SLC4A4: variants seen among roughly 807,000 people sequenced by gnomAD.
SLC4A4 encodes the protein electrogenic sodium bicarbonate cotransporter 1.
Under a neutral mutation model 111.5 loss-of-function variants are expected in SLC4A4, and 27 were observed. The observed-to-expected ratio is 0.24, with a 90% confidence interval of 0.18 to 0.33. The LOEUF is 0.33. Ranked by LOEUF, SLC4A4 falls within the 10% of genes least tolerant of loss-of-function variation. The pLI is 1.00. For synonymous variants in SLC4A4, 443 were observed against 463.4 expected (o/e 0.96, Z 0.57); for missense variants, 909 against 1,315.5 (o/e 0.69, Z 4.78).
intron 3 of SLC4A4, among the ~76,000 whole-genome samples, chr4:71,291,807 T>C (rs914103307): frequency 1.3e-5 from 2 of 152,220 alleles, no homozygotes; most frequent in African/African-American, 4.8e-5. Context: ...AGTGAAAATG[T>C]ACTTTACAAT....
At chr4:71,074,327 T>G (rs145893701) in intron 1 of SLC4A4, among the ~76,000 whole-genome samples, 1 of 152,356 alleles carries the variant, frequency 6.6e-6, no homozygotes, top group East Asian at 1.9e-4. Flanking sequence ...TATAGCTCCC[T>G]GACTGGCATC....
intron 8 of SLC4A4, among the ~76,000 whole-genome samples, chr4:71,447,295 C>G (rs551952634): frequency 6.6e-6 from 1 of 152,170 alleles, no homozygotes; most frequent in Admixed American, 6.5e-5. Context: ...GATGGGTTTG[C>G]TCCAAAGATT....
chr4:71,155,696 T>G (rs59194778), intron 2 of SLC4A4, among the ~76,000 whole-genome samples: 9,908 of 152,214 alleles, frequency 0.065, 316 homozygotes, highest in East Asian at 0.092. Flanking sequence ...ACTCCCATGT[T>G]CAAGTGATCC....
intron 1 of SLC4A4, among the ~76,000 whole-genome samples, chr4:71,199,672 C>T (rs184419304): frequency 1.5e-3 from 225 of 152,082 alleles, no homozygotes; most frequent in African/African-American, 5.1e-3. Flanking sequence ...TTTTTTGAGA[C>T]GGAGTCTTGC....
At chr4:71,547,164 C>T (rs1025477829) in intron 19 of SLC4A4, among the ~76,000 whole-genome samples, 1 of 151,736 alleles carries the variant, frequency 6.6e-6, no homozygotes, top group Non-Finnish European at 1.5e-5. Context: ...TTGAAAAGTA[C>T]TTTTGTTGTT....
chr4:71,119,584 T>A (rs1010550637), intron 2 of SLC4A4, among the ~76,000 whole-genome samples: 1 of 152,174 alleles, frequency 6.6e-6, no homozygotes, highest in Admixed American at 6.5e-5. Context: ...ACATAGGATC[T>A]TGCTATGTTA....
chr4:71,137,197 G>A (rs1158855378), intron 2 of SLC4A4, among the ~76,000 whole-genome samples: 1 of 152,106 alleles, frequency 6.6e-6, no homozygotes. Context: ...TCTGCCCGCT[G>A]ACTCCACTCT....
At position 71,137,940 on chromosome 4, in the gene SLC4A4, C is replaced by T. The variant is rs138212557; in HGVS notation, c.-2+45148C>T. 2.5e-3 allele frequency among the ~76,000 whole-genome samples: 383 copies of T among 152,322 alleles called. 1 individual carries two copies. The highest frequency in any genetic ancestry group is 7.9e-3 in the African/African-American group (327 of 41,560). On this transcript the variant is annotated intron_variant, in intron 2 of 26. Transcript: ENST00000649996. Reference sequence around the variant, plus strand: ...GTTGATAAGAGAGGTTTCTAACACACAGAGAAAATGCACTGGGGGCTTCTC... The same window carrying T: ...GTTGATAAGAGAGGTTTCTAACACATAGAGAAAATGCACTGGGGGCTTCTC...
At chr4:71,240,319 A>C (rs1005988044) in intron 2 of SLC4A4, among the ~76,000 whole-genome samples, 2 of 152,312 alleles carry the variant, frequency 1.3e-5, no homozygotes, top group East Asian at 3.9e-4. Flanking sequence ...TTGGCTCTGC[A>C]AGGCTAGGTA....
chr4:71,452,655 T>TGA (rs1383069900), intron 11 of SLC4A4, among the ~76,000 whole-genome samples: 1 of 152,182 alleles, frequency 6.6e-6, no homozygotes, highest in African/African-American at 2.4e-5. Context: ...TGGGGAAGAC[T>TGA]GAGGTTTGAG....
chr4:71,085,635 T>A (rs1397596314), intron 1 of SLC4A4, among the ~76,000 whole-genome samples: 3 of 152,086 alleles, frequency 2.0e-5, no homozygotes, highest in Admixed American at 6.5e-5. Flanking sequence ...GCTAGCCAGT[T>A]TTTCCAGCAC....
intron 20 of SLC4A4, among the ~76,000 whole-genome samples, chr4:71,548,670 A>G (rs1241964818): frequency 6.6e-6 from 1 of 151,942 alleles, no homozygotes; most frequent in Admixed American, 6.6e-5. Context: ...TTTTATTTTT[A>G]AACATTTTAA....
intron 1 of SLC4A4, among the ~76,000 whole-genome samples, chr4:71,192,138 A>G (rs934849117): frequency 6.6e-6 from 1 of 152,186 alleles, no homozygotes. Flanking sequence ...TCACTGATTA[A>G]TATTCTTCTT....
intron 3 of SLC4A4, among the ~76,000 whole-genome samples, chr4:71,311,890 TGA>T (rs761331086): frequency 0.075 from 5,778 of 76,538 alleles, 151 homozygotes; most frequent in South Asian, 0.11. Context: ...TGCAAGGCTG[TGA>T]GAGAGAGAGA....
At chr4:71,544,224 G>T (rs1180791956) in intron 18 of SLC4A4, among the ~76,000 whole-genome samples, 1 of 152,036 alleles carries the variant, frequency 6.6e-6, no homozygotes, top group African/African-American at 2.4e-5. Flanking sequence ...CTAGGTTGAG[G>T]AAGGAAAACC....
intron 18 of SLC4A4, among the ~76,000 whole-genome samples, chr4:71,543,927 A>G (rs1210938193): frequency 6.6e-6 from 1 of 152,038 alleles, no homozygotes; most frequent in Non-Finnish European, 1.5e-5. Context: ...ACAAGAGTTT[A>G]TAATTGCCAG....
At chr4:71,434,497 G>C (rs1170607707) in intron 7 of SLC4A4, 1 of 175,630 alleles carries the variant, frequency 5.7e-6, no homozygotes, top group African/African-American at 2.4e-5. Context: ...ATCTTTATAA[G>C]ATCTGTAGTA....
At chr4:71,546,799 G>A (rs3775161) in intron 19 of SLC4A4, among the ~76,000 whole-genome samples, 36,124 of 151,784 alleles carry the variant, frequency 0.24, 4,395 homozygotes, top group East Asian at 0.41. Flanking sequence ...TCAACATGCA[G>A]GTGATTTTGG....
chr4:71,082,241 A>G (rs980756156), intron 1 of SLC4A4, among the ~76,000 whole-genome samples: 2 of 151,976 alleles, frequency 1.3e-5, no homozygotes, highest in Non-Finnish European at 2.9e-5. Context: ...CTTAACTTGG[A>G]TGTATCTGAG....
Sources: gnomAD v4.1 joint callset for allele counts (sites outside exome capture counted in the v4.1 genomes callset) on GRCh38, gnomAD v4.1.1 for gene constraint, MANE v1.5 for transcripts, NCBI Gene and HGNC (gene_info 2026-07-23, HGNC 2026-07-21) for gene names.